SLC2A9: variants seen among roughly 807,000 people sequenced by gnomAD.
SLC2A9 encodes solute carrier family 2 member 9, also known as solute carrier family 2, facilitated glucose transporter member 9.
In SLC2A9, 39 loss-of-function variants were observed where a neutral mutation model predicts 50.6. The ratio of observed to expected loss-of-function variants is 0.77; its 90% CI spans 0.60 to 1.01. The LOEUF (loss-of-function observed/expected upper bound fraction) is 1.01. Ranked by LOEUF, SLC2A9 falls within the 50% of genes least tolerant of loss-of-function variation. The probability of loss-of-function intolerance (pLI) is 0.00; values close to 1 mark genes in which losing one functional copy is unlikely to be tolerated. For synonymous variants in SLC2A9, 324 were observed against 276.9 expected (o/e 1.17, Z -1.69); for missense variants, 686 against 677.6 (o/e 1.01, Z -0.14).
chr4:9,841,198 T>C (rs1728028703), intron 10 of SLC2A9, among the ~76,000 whole-genome samples: 2 of 152,236 alleles, frequency 1.3e-5, no homozygotes, highest in South Asian at 2.1e-4. Context: ...TCTTATGTTA[T>C]ACCTTTGAAA....
chr4:10,016,122 G>C (rs1762570754), intron 2 of SLC2A9, among the ~76,000 whole-genome samples: 1 of 152,226 alleles, frequency 6.6e-6, no homozygotes, highest in Non-Finnish European at 1.5e-5. Context: ...AAAGCGCCTT[G>C]TGATGTCTCA....
At chr4:9,821,076 C>T (rs539245181) in intron 3 of SLC2A9, among the ~76,000 whole-genome samples, 3 of 152,068 alleles carry the variant, frequency 2.0e-5, no homozygotes, top group African/African-American at 7.2e-5. Context: ...TTTGTAGATA[C>T]TCTATTTCAG....
Position 10,039,503 on chromosome 4 carries a change from A to G in SLC2A9, c.-41+627T>C, listed in dbSNP as rs79539065. On this transcript the variant is annotated intron_variant, in intron 1 of 12. Coordinates refer to the SLC2A9 transcript ENST00000309065. The stretch of plus-strand genomic sequence containing the variant: ...TCCGCTATTCTCTATCTTCATGAAC[A>G]ATAACATCAAACACCTCCCTCCTGC... 4.8e-3 allele frequency among the ~76,000 whole-genome samples: 731 copies of G among 152,358 alleles called. 7 individuals are homozygous for G. Among genetic ancestry groups the G allele is most frequent in the African/African-American group, 0.016 (685 of 41,586 alleles).
chr4:9,772,105 T>C (rs565634876), intron 1 of SLC2A9, among the ~76,000 whole-genome samples: 1 of 152,272 alleles, frequency 6.6e-6, no homozygotes, highest in African/African-American at 2.4e-5. Context: ...ACTGTGGTTG[T>C]GTTTTAGGAG....
chr4:9,787,944 T>C (rs146436740), intron 3 of SLC2A9, among the ~76,000 whole-genome samples: 8,706 of 152,298 alleles, frequency 0.057, 363 homozygotes, highest in Non-Finnish European at 0.082. Context: ...TTATAATTAA[T>C]ATGTATTTCC....
In SLC2A9 at chr4:9,920,459, C is replaced by G. The variant is rs768051328; in HGVS notation, c.928G>C (p.Ala310Pro). Reference protein sequence around the residue: ...RLVSVLELLRAPYVRWQVVTV... With the variant: ...RLVSVLELLRPPYVRWQVVTV... ...ACCACCTGCCAGCGGACGTAGGGAG[C>G]TCTCAGCAGCTCCAGCACGGACACC... The change falls in exon 7 of 12, where the codon GCT becomes CCT. Residue 310 changes from alanine (A) to proline (P), a missense_variant. Ala to Pro is a conservative substitution (Grantham distance 27). Transcript: ENST00000264784. 6.8e-6 allele frequency: 11 copies of G among 1,614,072 alleles called. No homozygotes were observed. In the African/African-American group the frequency reaches 1.5e-4, roughly 22 times the overall value.
At chr4:9,800,035 G>C (rs1021203745) in intron 3 of SLC2A9, among the ~76,000 whole-genome samples, 5 of 152,176 alleles carry the variant, frequency 3.3e-5, no homozygotes, top group Non-Finnish European at 5.9e-5. Flanking sequence ...CTGTAAGAAA[G>C]AGATGAGCTC....
intron 3 of SLC2A9, chr4:9,792,717 T>C (rs532688058): frequency 6.6e-6 from 1 of 152,386 alleles, no homozygotes; most frequent in African/African-American, 2.4e-5. Flanking sequence ...AGCACACAAC[T>C]GCACAAATAA....
upstream of SLC2A9, chr4:10,021,531 G>C: frequency 6.4e-7 from 1 of 1,555,842 alleles, no homozygotes; most frequent in East Asian, 2.3e-5. Flanking sequence ...GAGGGCGGGA[G>C]TTCCTGACAG....
intron 5 of SLC2A9, among the ~76,000 whole-genome samples, chr4:9,962,747 G>A (rs1752473248): frequency 6.6e-6 from 1 of 152,122 alleles, no homozygotes; most frequent in Non-Finnish European, 1.5e-5. Context: ...AAGATGTTTG[G>A]GCAGGTGTGA....
intron 5 of SLC2A9, among the ~76,000 whole-genome samples, chr4:9,969,349 T>C (rs1753531263): frequency 6.6e-6 from 1 of 152,230 alleles, no homozygotes; most frequent in African/African-American, 2.4e-5. Context: ...AAATTTCTGG[T>C]TATGGGGAAC....
intron 5 of SLC2A9, among the ~76,000 whole-genome samples, chr4:9,964,784 C>G (rs1428752886): frequency 6.6e-6 from 1 of 152,122 alleles, no homozygotes; most frequent in African/African-American, 2.4e-5. Context: ...GACTGTTTTG[C>G]TCAAATTCCT....
At chr4:9,996,742 A>C in intron 3 of SLC2A9, 39 bp downstream of exon 3, 1 of 1,609,408 alleles carries the variant, frequency 6.2e-7, no homozygotes, top group Non-Finnish European at 8.5e-7. Flanking sequence ...TATTATGAAC[A>C]TGGAGGGCAC....
intron 2 of SLC2A9, among the ~76,000 whole-genome samples, chr4:10,013,008 G>A (rs760541162): frequency 9.2e-5 from 14 of 152,164 alleles, no homozygotes; most frequent in Admixed American, 4.6e-4. Context: ...AGGAACCAGA[G>A]TGGAAACAGA....
chr4:9,972,077 T>G (rs900390809), intron 5 of SLC2A9, among the ~76,000 whole-genome samples: 22 of 152,248 alleles, frequency 1.4e-4, no homozygotes, highest in African/African-American at 5.1e-4. Context: ...GGCACACCTA[T>G]GCCAATTGCA....
At chr4:9,784,842 TTCAA>T (rs1374849999) in intron 3 of SLC2A9, among the ~76,000 whole-genome samples, 1 of 152,228 alleles carries the variant, frequency 6.6e-6, no homozygotes, top group Non-Finnish European at 1.5e-5. Context: ...TCAAGGACAG[TTCAA>T]TCAATTTTGA....
intron 1 of SLC2A9, among the ~76,000 whole-genome samples, chr4:10,039,570 G>A (rs748215441): frequency 7.9e-5 from 12 of 152,140 alleles, no homozygotes; most frequent in Non-Finnish European, 1.6e-4. Flanking sequence ...CATCCTCCTC[G>A]CTGCCTTCCT....
At chr4:9,904,943 A>G (rs1226838402) in intron 8 of SLC2A9, among the ~76,000 whole-genome samples, 2 of 152,148 alleles carry the variant, frequency 1.3e-5, no homozygotes, top group African/African-American at 2.4e-5. Flanking sequence ...AGACTACCCA[A>G]TGCACTTCAC....
At chr4:9,975,490 CAT>C (rs1402884913) in intron 5 of SLC2A9, among the ~76,000 whole-genome samples, 2 of 152,154 alleles carry the variant, frequency 1.3e-5, no homozygotes, top group African/African-American at 4.8e-5. Context: ...GGCCAACAAA[CAT>C]ATTAAAAAAT....
Sources: gnomAD v4.1 joint callset for allele counts (sites outside exome capture counted in the v4.1 genomes callset) on GRCh38, gnomAD v4.1.1 for gene constraint, MANE v1.5 for transcripts, NCBI Gene and HGNC (gene_info 2026-07-23, HGNC 2026-07-21) for gene names.